SCUBE2: variants seen among roughly 807,000 people sequenced by gnomAD.
The protein encoded by SCUBE2 is signal peptide, CUB and EGF-like domain-containing protein 2.
In SCUBE2, 114 loss-of-function variants were observed where a neutral mutation model predicts 125.9. The observed-to-expected ratio is 0.91, with a 90% CI of 0.78 to 1.06. SCUBE2 has a LOEUF of 1.06. Ranked by LOEUF, SCUBE2 falls within the 50% of genes least tolerant of loss-of-function variation. The probability of loss-of-function intolerance (pLI) is 0.00; values close to 1 mark genes in which losing one functional copy is unlikely to be tolerated. For missense variants in SCUBE2, 1,255 were observed against 1,301.8 expected (o/e 0.96, Z 0.55); for synonymous variants, 459 against 492.9 (o/e 0.93, Z 0.91).
chr11:9,068,097 A>T (rs562028320), intron 5 of SCUBE2, among the ~76,000 whole-genome samples: 1 of 152,302 alleles, frequency 6.6e-6, no homozygotes, highest in Admixed American at 6.5e-5. Context: ...TGGCTTGGAC[A>T]GCTTTGGGGT....
At position 9,079,481 on chromosome 11, in the gene SCUBE2, A is replaced by G. The variant is rs141220103; in HGVS notation, c.285T>C (p.Asn95=). The change falls in exon 3 of 23, where the codon AAT becomes AAC. Residue 95 remains asparagine (N), a synonymous_variant. Transcript: ENST00000649792. ...EDIDECGNEL[N]GGCVHDCLNI... ...TCAAACAGTCATGGACACAGCCTCC[A>G]TTGAGCTCATTTCCACATTCATCGA... The G allele has an allele frequency of 5.1e-3, 8,246 of 1,613,984 alleles. 24 individuals are homozygous for G. Among genetic ancestry groups the G allele is most frequent in the Non-Finnish European group, 5.7e-3 (6,725 of 1,179,944 alleles).
chr11:9,053,507 A>T, intron 11 of SCUBE2, 130 bp downstream of exon 11: 1 of 1,070,688 alleles, frequency 9.3e-7, no homozygotes, highest in South Asian at 1.5e-5. Flanking sequence ...CTATTTAAAG[A>T]ACAGTTGCTG....
intron 17 of SCUBE2, chr11:9,031,156 C>G: frequency 2.6e-6 from 1 of 389,998 alleles, no homozygotes; most frequent in South Asian, 6.1e-5. Context: ...AGATGGAAAC[C>G]AAGAAGTCAA....
At chr11:9,028,777 C>T (rs1370575754) in intron 19 of SCUBE2, among the ~76,000 whole-genome samples, 2 of 152,166 alleles carry the variant, frequency 1.3e-5, no homozygotes, top group Admixed American at 1.3e-4. Flanking sequence ...TGCCATAAGG[C>T]TCCCATGGGG....
intron 17 of SCUBE2, among the ~76,000 whole-genome samples, chr11:9,032,287 G>GT (rs905730260): frequency 2.8e-4 from 43 of 151,682 alleles, no homozygotes; most frequent in South Asian, 1.5e-3. Flanking sequence ...GCTATTTTTT[G>GT]TTTTTTTTAA....
rs1856503929 is a variant in SCUBE2 at position 9,033,607 on chromosome 11, G to A, written c.2173+19C>T. 2 of 1,610,596 alleles carry A rather than the reference G, an allele frequency of 1.2e-6. No individual in the cohort carries two copies. The highest frequency in any genetic ancestry group is 1.7e-6 in the Non-Finnish European group (2 of 1,178,260). ...CATCAGAGATGGGAGGAGTAGGAAG[G>A]AACAGACAGCATCCTTACCTCCACA... On this transcript the variant is annotated intron_variant, in intron 17 of 22. Transcript: ENST00000649792.
intron 16 of SCUBE2, among the ~76,000 whole-genome samples, chr11:9,035,591 G>T (rs1384068613): frequency 1.3e-5 from 2 of 151,986 alleles, no homozygotes; most frequent in Non-Finnish European, 2.9e-5. Flanking sequence ...CTGTAACAAG[G>T]GAGATCGGTT....
chr11:9,072,049 C>T (rs1017272831), intron 4 of SCUBE2, among the ~76,000 whole-genome samples: 6 of 152,148 alleles, frequency 3.9e-5, no homozygotes, highest in Non-Finnish European at 1.5e-5. Flanking sequence ...GTATCTTGAG[C>T]TTTCCCTCAG....
intron 17 of SCUBE2, 100 bp from the exon 18 acceptor site, chr11:9,031,025 G>C: frequency 1.8e-6 from 2 of 1,114,932 alleles, no homozygotes; most frequent in Non-Finnish European, 1.3e-6. Context: ...GTTACCCAGT[G>C]CTGACCGCAG....
intron 2 of SCUBE2, among the ~76,000 whole-genome samples, chr11:9,081,763 T>G (rs1861663488): frequency 6.6e-6 from 1 of 152,232 alleles, no homozygotes; most frequent in Admixed American, 6.5e-5. Context: ...GCTTCCACCT[T>G]TTGGCTACTG....
chr11:9,060,571 G>A lies in SCUBE2; in HGVS notation c.851-47C>T, dbSNP rs780641896. The A allele has an allele frequency of 9.2e-6, 14 of 1,516,292 alleles. 1 individual carries two copies. In the South Asian group the frequency reaches 1.5e-4, roughly 16 times the overall value. 93.9% of individuals were successfully genotyped at this position (1,516,292 alleles called of 1,614,324 possible). A position where few individuals can be genotyped will look rare whatever the true frequency, so the allele number is the denominator to read the frequency against. On this transcript the variant is annotated intron_variant, in intron 7 of 22. Coordinates refer to ENST00000649792, the MANE Select transcript of SCUBE2 (RefSeq NM_001367977.2). ...ACAATTAGCTTCCCAAAGAAGTGCT[G>A]ATACAGCTGACGAAGGTCACAGAAG...
rs1188386623 is a variant in SCUBE2, at chr11:9,050,846, T to G, written c.1535-136A>C. The G allele has an allele frequency of 1.3e-5, 9 of 707,868 alleles. No homozygotes were observed. In the East Asian group the frequency reaches 2.3e-4, roughly 18 times the overall value. The allele number at this position is 707,868 out of a possible 1,614,324, so 43.8% of individuals were successfully genotyped here. A position where few individuals can be genotyped will look rare whatever the true frequency, so the allele number is the denominator to read the frequency against. ...CTGAGACCCTCTCCTACCCTGAGGCTAAGAGTGGCTTGGATCATGGAGTGC... is the reference window on the plus strand; with the variant it reads ...CTGAGACCCTCTCCTACCCTGAGGCGAAGAGTGGCTTGGATCATGGAGTGC... On this transcript the variant is annotated intron_variant, in intron 13 of 22. Transcript: ENST00000649792.
At chr11:9,040,058 G>A (rs561757049) in intron 16 of SCUBE2, among the ~76,000 whole-genome samples, 2 of 152,096 alleles carry the variant, frequency 1.3e-5, no homozygotes, top group South Asian at 4.2e-4. Flanking sequence ...ACGCGCGTCC[G>A]CACCACAGGA....
intron 2 of SCUBE2, among the ~76,000 whole-genome samples, chr11:9,084,001 C>T (rs1194143732): frequency 2.0e-5 from 3 of 152,114 alleles, no homozygotes; most frequent in Non-Finnish European, 4.4e-5. Context: ...AATGATGACA[C>T]CCTAGTAGCA....
chr11:9,027,908 G>C (rs940107726), intron 19 of SCUBE2, among the ~76,000 whole-genome samples: 1 of 152,130 alleles, frequency 6.6e-6, no homozygotes, highest in Non-Finnish European at 1.5e-5. Flanking sequence ...AGAACTTCTA[G>C]GTCTCTCAAA....
chr11:9,059,227 T>A (rs926394664), intron 9 of SCUBE2, 76 bp downstream of exon 9: 2 of 1,549,352 alleles, frequency 1.3e-6, no homozygotes, highest in Non-Finnish European at 1.8e-6. Flanking sequence ...AGCCAGTCTC[T>A]GCCAGGAGGG....
intron 21 of SCUBE2, among the ~76,000 whole-genome samples, chr11:9,025,258 C>T (rs75827406): frequency 0.027 from 4,063 of 152,310 alleles, 78 homozygotes; most frequent in South Asian, 0.062. Context: ...CTAATAAAAG[C>T]CACAATCATC....
chr11:9,061,571 G>GAAA (rs11301303), intron 7 of SCUBE2, among the ~76,000 whole-genome samples: 10 of 101,122 alleles, frequency 9.9e-5, no homozygotes, highest in South Asian at 7.9e-4. Context: ...GAAAAGAAAA[G>GAAA]AAAAAAAAAA....
intron 16 of SCUBE2, among the ~76,000 whole-genome samples, chr11:9,035,567 C>T (rs1025096930): frequency 2.0e-5 from 3 of 152,160 alleles, no homozygotes; most frequent in African/African-American, 4.8e-5. Flanking sequence ...TTAACTATTA[C>T]AGCTCTCCAG....
Sources: gnomAD v4.1 joint callset for allele counts (sites outside exome capture counted in the v4.1 genomes callset) on GRCh38, gnomAD v4.1.1 for gene constraint, MANE v1.5 for transcripts, NCBI Gene and HGNC (gene_info 2026-07-23, HGNC 2026-07-21) for gene names.